The following CHM variants were observed in gnomAD, a reference collection of about 807,000 sequenced individuals.
The protein encoded by CHM is CHM Rab escort protein.
CHM carries 10 observed loss-of-function variants against 49.0 expected under a neutral mutation model. The ratio of observed to expected loss-of-function variants is 0.20; its 90% CI spans 0.13 to 0.35. The LOEUF (loss-of-function observed/expected upper bound fraction) is 0.35. CHM is among the 10% of genes least tolerant of loss of function. CHM has a pLI of 1.00. For missense variants in CHM, 455 were observed against 478.4 expected (o/e 0.95, Z 0.46); for synonymous variants, 184 against 167.5 (o/e 1.10, Z -0.76).
chrX:85,939,141 G>A (rs902271792), intron 8 of CHM, among the ~76,000 whole-genome samples: 1 of 111,944 alleles, frequency 8.9e-6, no homozygotes, highest in Non-Finnish European at 1.9e-5. Context: ...GCATATAGTA[G>A]GTTGTATCAT....
At chrX:85,883,707 T>G (rs780961537) in intron 12 of CHM, among the ~76,000 whole-genome samples, 1 of 111,363 alleles carries the variant, frequency 9.0e-6, no homozygotes, top group South Asian at 3.8e-4. Flanking sequence ...CTCATTTTTA[T>G]AAAAGGTATA....
intron 8 of CHM, among the ~76,000 whole-genome samples, chrX:85,915,800 A>G (rs1927419357): frequency 8.9e-6 from 1 of 112,400 alleles, no homozygotes; most frequent in African/African-American, 3.2e-5. Context: ...ATCAGAGATG[A>G]CACAAACAAA....
intron 8 of CHM, among the ~76,000 whole-genome samples, chrX:85,949,128 T>C (rs906108406): frequency 5.4e-5 from 6 of 111,714 alleles, no homozygotes; most frequent in African/African-American, 1.6e-4. Flanking sequence ...TAAAAATATA[T>C]GTAAGGCTGA....
chrX:85,873,181 C>A lies in CHM; in HGVS notation c.1641G>T (p.Leu547=), dbSNP rs148301015. 3,872 of 1,197,751 alleles carry A rather than the reference C, an allele frequency of 3.2e-3. 10 individuals are homozygous for A. The highest frequency in any genetic ancestry group is 4.4e-3 in the Middle Eastern group (19 of 4,320). ...ENEQVEKPRI[L]WALYFNMRDS... ...CTCTCATATTGAAGTAAAGAGCCCA[C>A]AGAATTCTTGGCTTTTCTACTTGTT... is the stretch of plus-strand genomic sequence containing the variant. The change falls in exon 14 of 15, where the codon CTG becomes CTT. Residue 547 remains leucine (L), a synonymous_variant. Coordinates refer to ENST00000357749, the MANE Select transcript of CHM (RefSeq NM_000390.4).
intron 2 of CHM, among the ~76,000 whole-genome samples, chrX:86,021,157 T>TATATATATATATAC (rs1174140484): frequency 3.9e-5 from 2 of 51,123 alleles, no homozygotes; most frequent in African/African-American, 1.9e-4. Context: ...TATATATATA[T>TATATATATATATAC]ACACGTATAT....
chrX:85,968,146 C>T (rs1411586280), intron 4 of CHM, among the ~76,000 whole-genome samples: 1 of 111,647 alleles, frequency 9.0e-6, no homozygotes, highest in Non-Finnish European at 1.9e-5. Context: ...GCTGTTTATT[C>T]CTAAAATAAA....
At chrX:85,966,059 T>C (rs1403270147) in intron 4 of CHM, among the ~76,000 whole-genome samples, 1 of 111,456 alleles carries the variant, frequency 9.0e-6, no homozygotes, top group Non-Finnish European at 1.9e-5. Flanking sequence ...AAAGATAAGA[T>C]ACTAATCAGG....
intron 8 of CHM, among the ~76,000 whole-genome samples, chrX:85,916,042 C>T (rs942794117): frequency 8.9e-6 from 1 of 112,054 alleles, no homozygotes; most frequent in East Asian, 2.8e-4. Flanking sequence ...TACCTGACCT[C>T]AAACTATACT....
At chrX:85,898,161 C>G (rs199523119) in intron 11 of CHM, among the ~76,000 whole-genome samples, 3 of 111,212 alleles carry the variant, frequency 2.7e-5, no homozygotes, top group East Asian at 5.7e-4. Flanking sequence ...ACAGTACACT[C>G]TCCAACTCCT....
At position 85,911,309 on chromosome X, in the gene CHM, C is replaced by T; in HGVS notation, c.1196G>A (p.Cys399Tyr). The T allele has an allele frequency of 2.9e-6, 3 of 1,047,869 alleles. No individual in the cohort carries two copies. The highest frequency in any genetic ancestry group is 3.8e-6 in the Non-Finnish European group (3 of 794,550). 86.4% of individuals were successfully genotyped at this position (1,047,869 alleles called of 1,213,427 possible). A position where few individuals can be genotyped will look rare whatever the true frequency, so the allele number is the denominator to read the frequency against. The change falls in exon 9 of 15, where the codon TGT becomes TAT. Residue 399 changes from cysteine to tyrosine, a missense_variant. By Grantham distance (194) the Cys-to-Tyr change is radical. Transcript: ENST00000357749. Reference sequence around the variant, plus strand: ...AAGGCACTGTACTGAATGGCGAAGACAATAAATTCCACCAAACACAGCACA... The same window carrying T: ...AAGGCACTGTACTGAATGGCGAAGATAATAAATTCCACCAAACACAGCACA... The part of the protein sequence containing the change: ...RMCAVFGGIY[C>Y]LRHSVQCLVV...
intron 3 of CHM, 93 bp from the exon 4 acceptor site, chrX:85,978,984 C>T: frequency 2.2e-6 from 2 of 922,845 alleles, no homozygotes; most frequent in South Asian, 4.2e-5. Context: ...TAAATTCATG[C>T]TTATTTCATC....
chrX:85,957,686 ATTAAT>A (rs1475170815), intron 7 of CHM, among the ~76,000 whole-genome samples, 164 bp downstream of exon 7: 1 of 111,163 alleles, frequency 9.0e-6, no homozygotes, highest in African/African-American at 3.3e-5. Context: ...TTTCACTTTA[ATTAAT>A]TTAAATTTAA....
At chrX:85,975,648 G>A (rs1011601007) in intron 4 of CHM, among the ~76,000 whole-genome samples, 3 of 112,332 alleles carry the variant, frequency 2.7e-5, no homozygotes, top group African/African-American at 9.7e-5. Flanking sequence ...CAGGAGTTAT[G>A]AATGGTAGGG....
At chrX:85,869,219 T>A (rs1923895389) in intron 14 of CHM, among the ~76,000 whole-genome samples, 1 of 111,972 alleles carries the variant, frequency 8.9e-6, no homozygotes, top group Non-Finnish European at 1.9e-5. Flanking sequence ...TGACAGTGAT[T>A]CCTCCAGGAT....
intron 13 of CHM, among the ~76,000 whole-genome samples, chrX:85,876,582 A>C (rs1251759631): frequency 9.0e-6 from 1 of 111,248 alleles, no homozygotes; most frequent in Non-Finnish European, 1.9e-5. Context: ...TGCTCACTTT[A>C]TCTGGTGATT....
At chrX:85,999,431 T>C (rs930454214) in intron 2 of CHM, among the ~76,000 whole-genome samples, 9 of 111,286 alleles carry the variant, frequency 8.1e-5, no homozygotes, top group Non-Finnish European at 1.5e-4. Flanking sequence ...TGTTAGCATA[T>C]ATATGAAGGT....
rs771274308 is a variant in CHM, at chrX:86,027,565, A to C, written c.50-8T>G. 16 of 1,192,436 alleles carry C rather than the reference A, an allele frequency of 1.3e-5. No individual in the cohort carries two copies. The Admixed American group carries it at 3.3e-4, about 24-fold the overall frequency. ...TGATGGATTCAGGCAAACCTACAAA[A>C]ACACACACCCGTATCATTTAGAATG... On this transcript the variant is annotated splice_polypyrimidine_tract_variant and splice_region_variant and intron_variant, in intron 1 of 14. Coordinates refer to ENST00000357749, the MANE Select transcript of CHM (RefSeq NM_000390.4).
chrX:85,949,192 C>T (rs765638669), intron 8 of CHM, among the ~76,000 whole-genome samples: 2 of 112,090 alleles, frequency 1.8e-5, no homozygotes, highest in African/African-American at 6.5e-5. Context: ...TTTTCTTTGT[C>T]TAAGATTCAA....
chrX:85,896,500 A>G (rs1274933862), intron 11 of CHM, among the ~76,000 whole-genome samples: 3 of 111,001 alleles, frequency 2.7e-5, no homozygotes, highest in Admixed American at 9.7e-5. Flanking sequence ...GAAGATGGTG[A>G]GTTCAGTTCT....
Sources: allele counts gnomAD v4.1 joint callset (sites outside exome capture counted in the v4.1 genomes callset), GRCh38; gene constraint gnomAD v4.1.1; transcripts MANE v1.5; gene names NCBI Gene and HGNC (gene_info 2026-07-23, HGNC 2026-07-21).